Variants in ATP2B4 observed in about 807,000 individuals in gnomAD.
ATP2B4 encodes the protein ATPase plasma membrane Ca2+ transporting 4, also known as plasma membrane calcium-transporting ATPase 4.
A neutral mutation model predicts 110.3 loss-of-function variants in ATP2B4; 39 were observed. The observed-to-expected ratio is 0.35, with a 90% CI of 0.27 to 0.46. The LOEUF (loss-of-function observed/expected upper bound fraction) is 0.46, where lower values mean the gene tolerates loss of function less well. Ranked by LOEUF, ATP2B4 falls within the 20% of genes least tolerant of loss-of-function variation. The probability of loss-of-function intolerance (pLI) is 1.00; values close to 1 mark genes in which losing one functional copy is unlikely to be tolerated. For missense variants in ATP2B4, 1,135 were observed against 1,530.9 expected (o/e 0.74, Z 4.32); for synonymous variants, 538 against 571.7 (o/e 0.94, Z 0.84).
intron 1 of ATP2B4, among the ~76,000 whole-genome samples, chr1:203,676,898 A>G (rs190544902): frequency 3.2e-3 from 488 of 152,286 alleles, no homozygotes; most frequent in African/African-American, 0.011. Context: ...GCCTTCCCAG[A>G]AAGTTTACAA....
intron 19 of ATP2B4, among the ~76,000 whole-genome samples, chr1:203,724,217 T>C (rs1328452309): frequency 6.6e-6 from 1 of 151,856 alleles, no homozygotes; most frequent in Non-Finnish European, 1.5e-5. Context: ...AGCCTGGAGG[T>C]AGAAAAATCC....
In ATP2B4 at chr1:203,699,610, AG is replaced by A; in HGVS notation, c.543del (p.Gln181HisfsTer46). The A allele has an allele frequency of 6.2e-7, 1 of 1,614,224 alleles. No homozygotes were observed. Among genetic ancestry groups the A allele is most frequent in the Non-Finnish European group, 8.5e-7 (1 of 1,180,044 alleles). On this transcript the variant is annotated frameshift_variant, in exon 4 of 21. Transcript: ENST00000357681. LOFTEE classifies it high-confidence loss of function. ...WSKEKQFRGL[Q>X]CRIEQEQKFS... ...AAAGAGAAGCAATTCCGGGGGCTGC[AG>A]TGCCGCATTGAACAGGAGCAAAAGT...
intron 1 of ATP2B4, among the ~76,000 whole-genome samples, chr1:203,634,355 C>T (rs1388337325): frequency 6.6e-6 from 1 of 152,164 alleles, no homozygotes; most frequent in Non-Finnish European, 1.5e-5. Context: ...ATTTACCTAC[C>T]TATTTTTAGA....
rs1272958061 is a variant in ATP2B4, at chr1:203,741,840, G to T, written c.*1986G>T. 6.6e-6 allele frequency: 1 copy of T among 152,578 alleles called. No individual in the cohort carries two copies. Among genetic ancestry groups the T allele is most frequent in the Non-Finnish European group, 1.5e-5 (1 of 68,032 alleles). 9.5% of individuals were successfully genotyped at this position (152,578 alleles called of 1,614,324 possible). A position where few individuals can be genotyped will look rare whatever the true frequency, so the allele number is the denominator to read the frequency against. On this transcript the variant is annotated 3_prime_UTR_variant, in exon 21 of 21. Coordinates refer to ENST00000357681, the MANE Select transcript of ATP2B4 (RefSeq NM_001684.5). ...AGGGGAAAAAAACAGCTCACCCAAG[G>T]TGTTAGGTTTCACATATATATTCAT...
chr1:203,679,867 C>A (rs907089051), intron 1 of ATP2B4, among the ~76,000 whole-genome samples: 2 of 150,904 alleles, frequency 1.3e-5, no homozygotes, highest in Admixed American at 1.3e-4. Context: ...GGCAACAGAG[C>A]GAGGCTCCAT....
At chr1:203,680,898 C>CTT (rs1188256572) in intron 1 of ATP2B4, among the ~76,000 whole-genome samples, 1 of 152,228 alleles carries the variant, frequency 6.6e-6, no homozygotes, top group Non-Finnish European at 1.5e-5. Flanking sequence ...GTTCAACACT[C>CTT]TATCAGCATT....
In ATP2B4 at chr1:203,723,931, C is replaced by T. The variant is rs1421726139; in HGVS notation, c.3075C>T (p.Ser1025=). ...AACCCTTCAGTTGTACAAGCCTCAG[C>T]CTGTCTCAGTGGCTGTGGTGTCTCT... ...GGKPFSCTSL[S]LSQWLWCLFI... Residue 1025 remains serine (S), a synonymous_variant, in exon 19 of 21, where the codon AGC becomes AGT. Coordinates refer to ENST00000357681, the MANE Select transcript of ATP2B4 (RefSeq NM_001684.5). 1.1e-5 allele frequency: 18 copies of T among 1,611,848 alleles called. No individual in the cohort carries two copies. Among genetic ancestry groups the T allele is most frequent in the Non-Finnish European group, 1.5e-5 (18 of 1,179,132 alleles).
chr1:203,690,149 G>A (rs563035671), intron 2 of ATP2B4, among the ~76,000 whole-genome samples: 4 of 152,220 alleles, frequency 2.6e-5, no homozygotes, highest in East Asian at 3.9e-4. Flanking sequence ...TTAGATGAAC[G>A]TCTATCACCT....
At chr1:203,733,395 T>C (rs1375744975) in intron 20 of ATP2B4, 7 of 1,613,290 alleles carry the variant, frequency 4.3e-6, no homozygotes, top group Admixed American at 3.3e-5. Context: ...TCTCCTCCTA[T>C]GGGCAGTGAG....
At chr1:203,691,925 A>C (rs1352112506) in intron 2 of ATP2B4, among the ~76,000 whole-genome samples, 4 of 151,872 alleles carry the variant, frequency 2.6e-5, no homozygotes, top group African/African-American at 9.7e-5. Context: ...TCTGTTGCCC[A>C]GGCTGGAGTG....
intron 18 of ATP2B4, among the ~76,000 whole-genome samples, chr1:203,723,453 T>TCC (rs1558052440): frequency 2.4e-4 from 24 of 98,212 alleles, no homozygotes; most frequent in South Asian, 1.6e-3. Flanking sequence ...TCTCTCTCTC[T>TCC]CTCTCTCCCT....
intron 15 of ATP2B4, among the ~76,000 whole-genome samples, chr1:203,718,103 G>C (rs1004233109): frequency 5.3e-5 from 8 of 152,004 alleles, no homozygotes; most frequent in African/African-American, 1.9e-4. Flanking sequence ...ACTTGCTTTT[G>C]TGTTTGTTTT....
At chr1:203,657,166 G>T in intron 1 of ATP2B4, 1 of 819,630 alleles carries the variant, frequency 1.2e-6, no homozygotes, top group Non-Finnish European at 2.1e-6. Flanking sequence ...ACCAAGTATT[G>T]GTGGGCAAAA....
At chr1:203,739,330 G>A (rs959783244) in intron 20 of ATP2B4, among the ~76,000 whole-genome samples, 10 of 151,808 alleles carry the variant, frequency 6.6e-5, no homozygotes, top group Admixed American at 2.0e-4. Context: ...CCTAGTTGCC[G>A]TCACTCACCC....
chr1:203,719,225 G>GAAAACAAAAA (rs1666245900), intron 15 of ATP2B4, among the ~76,000 whole-genome samples: 1 of 54,378 alleles, frequency 1.8e-5, no homozygotes, highest in Admixed American at 2.1e-4. Flanking sequence ...ACCCTGTCTC[G>GAAAACAAAAA]AAAAAAAAAA....
chr1:203,673,032 A>G (rs1664721361), intron 1 of ATP2B4, among the ~76,000 whole-genome samples: 1 of 152,204 alleles, frequency 6.6e-6, no homozygotes. Flanking sequence ...AAGGACTAGC[A>G]GAGGGAGAGG....
intron 1 of ATP2B4, among the ~76,000 whole-genome samples, chr1:203,628,202 C>T (rs1663147280): frequency 6.6e-6 from 1 of 152,166 alleles, no homozygotes; most frequent in African/African-American, 2.4e-5. Context: ...CCTTCCTGCT[C>T]TCCCTTCTCT....
intron 2 of ATP2B4, among the ~76,000 whole-genome samples, chr1:203,685,432 C>T (rs1665151380): frequency 6.6e-6 from 1 of 152,174 alleles, no homozygotes; most frequent in African/African-American, 2.4e-5. Context: ...ATGTGGTCTC[C>T]TATTTCTGAA....
chr1:203,706,861 G>A, intron 8 of ATP2B4, 148 bp from the exon 9 acceptor site: 1 of 665,412 alleles, frequency 1.5e-6, no homozygotes, highest in Non-Finnish European at 2.6e-6. Context: ...ACAAGCAACA[G>A]AGAATGGGGG....
Sources: allele counts gnomAD v4.1 joint callset (sites outside exome capture counted in the v4.1 genomes callset), GRCh38; gene constraint gnomAD v4.1.1; transcripts MANE v1.5; gene names NCBI Gene and HGNC (gene_info 2026-07-23, HGNC 2026-07-21).